Variants in DDAH1 observed in about 807,000 individuals in gnomAD.
DDAH1 encodes N(G),N(G)-dimethylarginine dimethylaminohydrolase 1.
In DDAH1, 19 loss-of-function variants were observed where a neutral mutation model predicts 28.8. That is an observed-to-expected ratio of 0.66 (90% confidence interval 0.46 to 0.97). The LOEUF (loss-of-function observed/expected upper bound fraction) is 0.97. Among genes scored for constraint, DDAH1 ranks in the 50% least tolerant of loss-of-function variants. The pLI is 0.00. For synonymous variants in DDAH1, 153 were observed against 154.4 expected, an observed-to-expected ratio of 0.99 and a Z score of 0.07; for missense variants, 326 against 375.9, an observed-to-expected ratio of 0.87 and a Z score of 1.10.
At chr1:85,438,388 T>C (rs1398404693) in intron 1 of DDAH1, among the ~76,000 whole-genome samples, 1 of 152,194 alleles carries the variant, frequency 6.6e-6, no homozygotes, top group Non-Finnish European at 1.5e-5. Context: ...ATTAAAATAA[T>C]TGGCTGAATT....
At chr1:85,557,541 C>T (rs1476217619) in intron 1 of DDAH1, among the ~76,000 whole-genome samples, 4 of 152,122 alleles carry the variant, frequency 2.6e-5, no homozygotes, top group African/African-American at 7.2e-5. Context: ...AAAACCTATG[C>T]TTGGAAAGTA....
At chr1:85,457,104 C>T (rs562584058) in intron 1 of DDAH1, among the ~76,000 whole-genome samples, 1 of 152,304 alleles carries the variant, frequency 6.6e-6, no homozygotes, top group African/African-American at 2.4e-5. Flanking sequence ...CAAAGTAATA[C>T]AGTTCTGTAC....
rs568372469 is a variant in DDAH1 at position 85,369,486 on chromosome 1, T to C, written c.304-10639A>G. Among the ~76,000 whole-genome samples, 5 of 152,236 alleles carry C rather than the reference T, an allele frequency of 3.3e-5. No homozygotes were observed. The South Asian group carries it at 1.0e-3, about 32-fold the overall frequency. ...TCTTTTAAACAACTCTTACGACATTTCAAGGGTGGGAAGATTCATCTTTAT... is the reference window on the plus strand; with the variant it reads ...TCTTTTAAACAACTCTTACGACATTCCAAGGGTGGGAAGATTCATCTTTAT... On this transcript the variant is annotated intron_variant, in intron 1 of 5. Transcript: ENST00000284031.
At chr1:85,536,146 A>G (rs1488496678) in intron 1 of DDAH1, among the ~76,000 whole-genome samples, 2 of 152,054 alleles carry the variant, frequency 1.3e-5, no homozygotes, top group East Asian at 3.9e-4. Context: ...CTGAGGGATG[A>G]GAATTGCTTG....
chr1:85,396,478 G>A (rs1041816697), intron 1 of DDAH1, among the ~76,000 whole-genome samples: 1 of 151,970 alleles, frequency 6.6e-6, no homozygotes, highest in Non-Finnish European at 1.5e-5. Flanking sequence ...CTCACTCATC[G>A]CAAAGAAGAC....
intron 1 of DDAH1, 138 bp from the exon 2 acceptor site, chr1:85,358,985 G>C: frequency 1.8e-6 from 1 of 554,538 alleles, no homozygotes; most frequent in Non-Finnish European, 3.2e-6. Context: ...ACCCATCCTT[G>C]TGAATATATA....
intron 1 of DDAH1, among the ~76,000 whole-genome samples, chr1:85,463,981 C>T (rs1043794932): frequency 6.6e-6 from 1 of 152,152 alleles, no homozygotes; most frequent in Non-Finnish European, 1.5e-5. Flanking sequence ...CCCTTGAGAA[C>T]AGAAAAACTC....
chr1:85,417,498 T>C (rs1436007034), intron 1 of DDAH1, among the ~76,000 whole-genome samples: 2 of 152,212 alleles, frequency 1.3e-5, no homozygotes, highest in Non-Finnish European at 2.9e-5. Flanking sequence ...TCTTCACCAC[T>C]CTTACAGCTC....
intron 1 of DDAH1, among the ~76,000 whole-genome samples, chr1:85,504,241 G>A (rs1313440981): frequency 6.6e-6 from 1 of 152,202 alleles, no homozygotes; most frequent in Non-Finnish European, 1.5e-5. Context: ...ATAGCCCACT[G>A]TACAGGATAC....
At chr1:85,416,258 G>C (rs575846010) in intron 1 of DDAH1, among the ~76,000 whole-genome samples, 2 of 150,894 alleles carry the variant, frequency 1.3e-5, no homozygotes, top group Admixed American at 6.6e-5. Context: ...TTGTTTTTTT[G>C]GGTTTTTTTT....
At chr1:85,501,809 G>A (rs138496506) in intron 1 of DDAH1, among the ~76,000 whole-genome samples, 1 of 152,244 alleles carries the variant, frequency 6.6e-6, no homozygotes, top group East Asian at 1.9e-4. Flanking sequence ...TATGGCAAGA[G>A]GGCTGGTACT....
At chr1:85,481,637 T>A (rs1656019164) in intron 2 of DDAH1, among the ~76,000 whole-genome samples, 1 of 152,254 alleles carries the variant, frequency 6.6e-6, no homozygotes, top group African/African-American at 2.4e-5. Flanking sequence ...CCATGCAGAC[T>A]GAAATACCTA....
At chr1:85,510,077 A>G (rs1347897893) in intron 1 of DDAH1, among the ~76,000 whole-genome samples, 1 of 152,176 alleles carries the variant, frequency 6.6e-6, no homozygotes, top group Non-Finnish European at 1.5e-5. Flanking sequence ...ATGAAGGAAA[A>G]AGTGTTAAGG....
intron 2 of DDAH1, chr1:85,493,522 T>G (rs1656476756): frequency 6.6e-6 from 1 of 152,188 alleles, no homozygotes; most frequent in African/African-American, 2.4e-5. Context: ...AAAATAAATA[T>G]TTTAAAATAA....
intron 1 of DDAH1, among the ~76,000 whole-genome samples, chr1:85,559,569 A>C (rs1305620987): frequency 6.6e-6 from 1 of 152,244 alleles, no homozygotes; most frequent in Non-Finnish European, 1.5e-5. Flanking sequence ...TAATACCATT[A>C]AAACAACTAT....
At chr1:85,496,223 A>C (rs900841281) in exon 2 of DDAH1, 1 of 985,244 alleles carries the variant, frequency 1.0e-6, no homozygotes, top group African/African-American at 1.7e-5. Context: ...ATTTTGAAGC[A>C]TTTCCTACTG....
intron 1 of DDAH1, among the ~76,000 whole-genome samples, chr1:85,534,952 AAC>A (rs1318587095): frequency 3.3e-5 from 5 of 152,142 alleles, no homozygotes; most frequent in Non-Finnish European, 5.9e-5. Flanking sequence ...CGTGACCAAA[AAC>A]ACAGTGTACC....
intron 1 of DDAH1, among the ~76,000 whole-genome samples, chr1:85,540,983 AT>A (rs1245131041): frequency 4.8e-5 from 7 of 144,434 alleles, no homozygotes; most frequent in South Asian, 2.2e-4. Context: ...AAAAAAAAAA[AT>A]GTATATCTAT....
intron 1 of DDAH1, among the ~76,000 whole-genome samples, chr1:85,413,521 A>AC (rs1442336754): frequency 2.0e-5 from 3 of 152,246 alleles, no homozygotes; most frequent in African/African-American, 7.2e-5. Flanking sequence ...AAAATGTGGC[A>AC]CTTCCTTCTC....
Sources: gnomAD v4.1 joint callset for allele counts (sites outside exome capture counted in the v4.1 genomes callset) on GRCh38, gnomAD v4.1.1 for gene constraint, MANE v1.5 for transcripts, NCBI Gene and HGNC (gene_info 2026-07-23, HGNC 2026-07-21) for gene names.